GSTM2: variants seen among roughly 807,000 people sequenced by gnomAD.
GSTM2 encodes the protein GST class-mu 2.
GSTM2 carries 33 observed loss-of-function variants against 33.3 expected under a neutral mutation model. That is an observed-to-expected ratio of 0.99 (90% CI 0.75 to 1.33). The LOEUF (loss-of-function observed/expected upper bound fraction) is 1.33, where lower values mean the gene tolerates loss of function less well. GSTM2 is among the 40% of genes most tolerant of loss of function. The pLI is 0.00. For missense variants in GSTM2, 213 were observed against 265.8 expected (o/e 0.80, Z 1.38); for synonymous variants, 93 against 95.6 (o/e 0.97, Z 0.16).
chr1:109,677,240 T>C (rs1647728647), downstream of GSTM2, among the ~76,000 whole-genome samples: 1 of 152,200 alleles, frequency 6.6e-6, no homozygotes, highest in Non-Finnish European at 1.5e-5. Context: ...AAAGCCACTT[T>C]GGAATACTGG....
At position 109,682,573 on chromosome 1, in the gene GSTM2, G is replaced by A. The variant is rs1399075591; in HGVS notation, c.567+10990G>A. Reference sequence around the variant, plus strand: ...AACTATTACATATAACAAGCAAATTGGTTAAAGTTTCAATATTTCTCTTAA... The same window carrying A: ...AACTATTACATATAACAAGCAAATTAGTTAAAGTTTCAATATTTCTCTTAA... On this transcript the variant is annotated intron_variant, in intron 7 of 7. Coordinates refer to the GSTM2 transcript ENST00000369831. Among the ~76,000 whole-genome samples the A allele has an allele frequency of 4.8e-5, 6 of 125,870 alleles. 1 individual carries two copies. Among genetic ancestry groups the A allele is most frequent in the African/African-American group, 7.7e-5 (3 of 39,050 alleles). The allele number at this position is 125,870 out of a possible 152,430, so 82.6% of individuals were successfully genotyped here. A position where few individuals can be genotyped will look rare whatever the true frequency, so the allele number is the denominator to read the frequency against.
chr1:109,673,540 A>T, intron 7 of GSTM2: 1 of 397,772 alleles, frequency 2.5e-6, no homozygotes, highest in Non-Finnish European at 4.7e-6. Flanking sequence ...GTTCTGGTCC[A>T]GGCTGAGTGG....
downstream of GSTM2, among the ~76,000 whole-genome samples, chr1:109,676,573 G>C (rs915747511): frequency 6.6e-6 from 1 of 152,090 alleles, no homozygotes; most frequent in Non-Finnish European, 1.5e-5. Context: ...TGCTGGTCTC[G>C]AACTCCTGAC....
At chr1:109,675,862 G>C (rs1281585034), downstream of GSTM2, among the ~76,000 whole-genome samples, 8 of 152,112 alleles carry the variant, frequency 5.3e-5, no homozygotes, top group South Asian at 8.3e-4. Context: ...TACTCTGGCT[G>C]AGGATTTAGT....
At chr1:109,672,069 C>T (rs963596878) in intron 7 of GSTM2, among the ~76,000 whole-genome samples, 3 of 148,958 alleles carry the variant, frequency 2.0e-5, no homozygotes, top group South Asian at 2.1e-4. Context: ...CACCTGAGGT[C>T]GGGAGTTCGA....
At chr1:109,672,133 A>AGCT (rs1271649914) in intron 7 of GSTM2, among the ~76,000 whole-genome samples, 6 of 151,722 alleles carry the variant, frequency 4.0e-5, no homozygotes, top group Admixed American at 6.6e-5. Context: ...ATACAAAATT[A>AGCT]GCTGGGCGTG....
chr1:109,669,833 C>T (rs1259254358), intron 5 of GSTM2: 4 of 456,782 alleles, frequency 8.8e-6, no homozygotes, highest in South Asian at 6.1e-5. Context: ...GGGGTGAAGC[C>T]GCAGACCTTC....
chr1:109,676,231 G>T (rs1310472741), downstream of GSTM2, among the ~76,000 whole-genome samples: 1 of 152,222 alleles, frequency 6.6e-6, no homozygotes, highest in African/African-American at 2.4e-5. Context: ...GCTGGGGATA[G>T]AATTCTATGA....
chr1:109,669,073 A>G (rs753611820), intron 3 of GSTM2, 84 bp downstream of exon 3: 7 of 1,467,758 alleles, frequency 4.8e-6, no homozygotes, highest in African/African-American at 2.8e-5. Flanking sequence ...AGAGGTGTTA[A>G]GATCAGGAGT....
intron 2 of GSTM2, 152 bp downstream of exon 2, chr1:109,668,652 AGGCAGAATGCTGG>A (rs1647419172): frequency 1.1e-6 from 1 of 951,930 alleles, no homozygotes; most frequent in South Asian, 1.4e-5. Context: ...GCTCCTTGCA[AGGCAGAATGCTGG>A]GGCGGGATGC....
At chr1:109,668,583 T>C (rs938014352) in intron 2 of GSTM2, 83 bp downstream of exon 2, 11 of 1,441,812 alleles carry the variant, frequency 7.6e-6, no homozygotes, top group Middle Eastern at 1.7e-4. Context: ...TGTGGCTGAC[T>C]CTGCAGGCCT....
intron 7 of GSTM2, chr1:109,673,235 T>C: frequency 1.2e-6 from 2 of 1,612,100 alleles, no homozygotes; most frequent in Non-Finnish European, 1.7e-6. Context: ...AGCACGCTGA[T>C]TTTACTCCTG....
At chr1:109,668,349 G>A in intron 1 of GSTM2, 76 bp from the exon 2 acceptor site, 1 of 1,522,596 alleles carries the variant, frequency 6.6e-7, no homozygotes, top group Non-Finnish European at 9.1e-7. Flanking sequence ...GAGGAGATGG[G>A]GCTCCCCTTG....
intron 3 of GSTM2, 116 bp from the exon 4 acceptor site, chr1:109,669,174 C>G (rs1647437231): frequency 7.5e-7 from 1 of 1,329,512 alleles, no homozygotes; most frequent in Non-Finnish European, 1.1e-6. Flanking sequence ...GACAGTATTT[C>G]TATCTCAGGC....
downstream of GSTM2, among the ~76,000 whole-genome samples, chr1:109,676,047 A>G (rs1440506630): frequency 1.3e-5 from 2 of 152,150 alleles, no homozygotes; most frequent in Non-Finnish European, 2.9e-5. Context: ...TGTGCAGGGG[A>G]ACTCCCACTT....
At chr1:109,672,069 C>A (rs963596878) in intron 7 of GSTM2, among the ~76,000 whole-genome samples, 2 of 148,958 alleles carry the variant, frequency 1.3e-5, no homozygotes, top group East Asian at 2.0e-4. Context: ...CACCTGAGGT[C>A]GGGAGTTCGA....
chr1:109,676,785 C>G (rs889325924), downstream of GSTM2, among the ~76,000 whole-genome samples: 4 of 152,142 alleles, frequency 2.6e-5, no homozygotes, highest in African/African-American at 4.8e-5. Context: ...AGGCTTCCTC[C>G]ACCCTGACAG....
intron 7 of GSTM2, among the ~76,000 whole-genome samples, chr1:109,672,510 G>A (rs1274798029): frequency 6.6e-6 from 1 of 152,218 alleles, no homozygotes; most frequent in Admixed American, 6.5e-5. Flanking sequence ...CTCCCTGCGA[G>A]CCTCTGGATC....
intron 2 of GSTM2, 136 bp downstream of exon 2, chr1:109,668,636 G>T: frequency 9.5e-7 from 1 of 1,053,212 alleles, no homozygotes; most frequent in Non-Finnish European, 1.5e-6. Context: ...GAGCCCTGGT[G>T]AGGGAGCTCC....
Sources: gnomAD v4.1 joint callset for allele counts (sites outside exome capture counted in the v4.1 genomes callset) on GRCh38, gnomAD v4.1.1 for gene constraint, MANE v1.5 for transcripts, NCBI Gene and HGNC (gene_info 2026-07-23, HGNC 2026-07-21) for gene names.